Variants in ASCC3 observed in about 807,000 individuals in gnomAD.
ASCC3 encodes activating signal cointegrator 1 complex subunit 3.
Under a neutral mutation model 256.3 loss-of-function variants are expected in ASCC3, and 158 were observed. The observed-to-expected ratio is 0.62, with a 90% CI of 0.54 to 0.70. The LOEUF (loss-of-function observed/expected upper bound fraction) is 0.70. ASCC3 is among the 30% of genes least tolerant of loss of function. The pLI is 0.00. For synonymous variants in ASCC3, 948 were observed against 883.4 expected (o/e 1.07, Z -1.30); for missense variants, 2,259 against 2,626.0 (o/e 0.86, Z 3.05).
chr6:100,840,958 T>C (rs564638276), intron 4 of ASCC3, among the ~76,000 whole-genome samples: 15 of 152,012 alleles, frequency 9.9e-5, no homozygotes, highest in Non-Finnish European at 1.8e-4. Flanking sequence ...GAGAAAAAAT[T>C]GATTGGTATC....
chr6:100,654,394 T>C (rs1775821081), intron 17 of ASCC3, among the ~76,000 whole-genome samples: 1 of 152,038 alleles, frequency 6.6e-6, no homozygotes, highest in Admixed American at 6.6e-5. Flanking sequence ...GGCAAATGAC[T>C]TTTGATTATA....
intron 14 of ASCC3, among the ~76,000 whole-genome samples, chr6:100,670,383 T>C (rs1031925411): frequency 1.6e-4 from 24 of 151,942 alleles, no homozygotes; most frequent in Non-Finnish European, 4.4e-5. Context: ...AAGTCCCTTA[T>C]ATAAAATGGT....
At chr6:100,517,958 C>T (rs1165629210) in intron 38 of ASCC3, 33 bp downstream of exon 38, 3 of 1,606,524 alleles carry the variant, frequency 1.9e-6, no homozygotes, top group African/African-American at 2.7e-5. Context: ...GAAATCAAAA[C>T]AAAACAATTA....
intron 13 of ASCC3, among the ~76,000 whole-genome samples, chr6:100,694,256 C>A (rs554191645): frequency 3.6e-4 from 54 of 150,894 alleles, no homozygotes; most frequent in Middle Eastern, 3.4e-3. Flanking sequence ...CACTTGAGGT[C>A]AGGAGTTTGA....
At chr6:100,567,051 G>A (rs970182793) in intron 36 of ASCC3, among the ~76,000 whole-genome samples, 2 of 151,740 alleles carry the variant, frequency 1.3e-5, no homozygotes, top group African/African-American at 4.8e-5. Flanking sequence ...TGTTTTTTTA[G>A]TGACTAGACA....
At chr6:100,677,617 T>C (rs1777090336) in intron 14 of ASCC3, among the ~76,000 whole-genome samples, 1 of 152,134 alleles carries the variant, frequency 6.6e-6, no homozygotes, top group Non-Finnish European at 1.5e-5. Context: ...TCTATTATAA[T>C]GTCAGTCTCA....
chr6:100,628,893 T>C, intron 27 of ASCC3, 122 bp downstream of exon 27: 1 of 934,566 alleles, frequency 1.1e-6, no homozygotes, highest in Admixed American at 2.2e-5. Flanking sequence ...TATACATACA[T>C]CAAAAAATCA....
intron 30 of ASCC3, among the ~76,000 whole-genome samples, chr6:100,617,735 C>T (rs1007061449): frequency 3.3e-5 from 5 of 152,164 alleles, no homozygotes; most frequent in African/African-American, 1.2e-4. Flanking sequence ...TTCACAGAAC[C>T]CTCTCTTCTA....
chr6:100,771,276 A>G (rs1207899021), intron 8 of ASCC3, among the ~76,000 whole-genome samples: 1 of 152,154 alleles, frequency 6.6e-6, no homozygotes, highest in Admixed American at 6.5e-5. Flanking sequence ...ACAAAAATTA[A>G]CTCAAAATAA....
At chr6:100,777,492 G>A (rs971489483) in intron 8 of ASCC3, among the ~76,000 whole-genome samples, 4 of 152,024 alleles carry the variant, frequency 2.6e-5, no homozygotes, top group African/African-American at 9.7e-5. Context: ...AAATCAACAT[G>A]TTTACTAATT....
At chr6:100,722,026 G>T (rs1779363856) in intron 11 of ASCC3, among the ~76,000 whole-genome samples, 1 of 151,798 alleles carries the variant, frequency 6.6e-6, no homozygotes, top group Non-Finnish European at 1.5e-5. Context: ...GAAAGGTAAA[G>T]GTCCATTTAC....
In ASCC3 at chr6:100,610,431, T is replaced by A. The variant is rs978984851; in HGVS notation, c.4786-3343A>T. 2.6e-5 allele frequency among the ~76,000 whole-genome samples: 4 copies of A among 152,042 alleles called. No homozygotes were observed. The East Asian group carries it at 7.7e-4, about 29-fold the overall frequency. On this transcript the variant is annotated intron_variant, in intron 30 of 41. Transcript: ENST00000369162. ...ATTTTATTTTCACTAGTCAGAAAAA[T>A]TTTCTAAGTTTTTTTTTAATGTGGA... is the stretch of plus-strand genomic sequence containing the variant.
intron 13 of ASCC3, among the ~76,000 whole-genome samples, chr6:100,697,351 T>C (rs1276986800): frequency 2.6e-5 from 4 of 151,926 alleles, no homozygotes; most frequent in Non-Finnish European, 5.9e-5. Context: ...TCAAAGAAGA[T>C]TTAAAGAATG....
chr6:100,691,822 A>G (rs1304351847), intron 13 of ASCC3, among the ~76,000 whole-genome samples: 2 of 151,950 alleles, frequency 1.3e-5, no homozygotes, highest in African/African-American at 4.8e-5. Context: ...AGCAGTGTTT[A>G]AGAATCAAGT....
intron 36 of ASCC3, among the ~76,000 whole-genome samples, chr6:100,555,039 T>C (rs1010372370): frequency 3.3e-5 from 5 of 151,958 alleles, no homozygotes; most frequent in Admixed American, 3.3e-4. Flanking sequence ...TAAAAGACTA[T>C]TATAAATTGG....
At chr6:100,668,414 T>G (rs919696223) in intron 14 of ASCC3, among the ~76,000 whole-genome samples, 29 of 152,074 alleles carry the variant, frequency 1.9e-4, no homozygotes, top group Admixed American at 1.9e-3. Context: ...TACTAATATT[T>G]AACCTAGAAG....
In ASCC3 at chr6:100,758,734, T is replaced by C. The variant is rs546792133; in HGVS notation, c.1737+7831A>G. 2.0e-5 allele frequency among the ~76,000 whole-genome samples: 3 copies of C among 152,094 alleles called. No homozygotes were observed. In the South Asian group the frequency reaches 6.2e-4, roughly 32 times the overall value. ...TGTCTTTATAGTAGAATGATTTCTA[T>C]TCCTTTGGGTACTGAGTATACCCAG... is the stretch of plus-strand genomic sequence containing the variant. On this transcript the variant is annotated intron_variant, in intron 10 of 41. Transcript: ENST00000369162.
intron 40 of ASCC3, 85 bp from the exon 41 acceptor site, chr6:100,510,192 C>A (rs1433535616): frequency 1.4e-6 from 2 of 1,407,632 alleles, no homozygotes; most frequent in Non-Finnish European, 2.0e-6. Flanking sequence ...CGTTGTCTTA[C>A]TTGAAGGCCA....
intron 40 of ASCC3, among the ~76,000 whole-genome samples, chr6:100,511,586 G>A (rs1427455957): frequency 1.3e-5 from 2 of 152,062 alleles, no homozygotes; most frequent in African/African-American, 2.4e-5. Flanking sequence ...CAAAAAATTA[G>A]TTGAGTGTAG....
Sources: gnomAD v4.1 joint callset for allele counts (sites outside exome capture counted in the v4.1 genomes callset) on GRCh38, gnomAD v4.1.1 for gene constraint, MANE v1.5 for transcripts, NCBI Gene and HGNC (gene_info 2026-07-23, HGNC 2026-07-21) for gene names.